The following IGSF5 variants were observed in gnomAD, a reference collection of about 807,000 sequenced individuals.
IGSF5 encodes immunoglobulin superfamily member 5.
In IGSF5, 41 loss-of-function variants were observed where a neutral mutation model predicts 39.4. That is an observed-to-expected ratio of 1.04 (90% confidence interval 0.81 to 1.35). IGSF5 has a LOEUF of 1.35. IGSF5 is among the 40% of genes most tolerant of loss of function. IGSF5 has a pLI of 0.00. For missense variants in IGSF5, 487 were observed against 494.6 expected, an observed-to-expected ratio of 0.98 and a Z score of 0.15; for synonymous variants, 183 against 175.3, an observed-to-expected ratio of 1.04 and a Z score of -0.34.
At chr21:39,728,813 C>T in the IGSF5 span, among the ~76,000 whole-genome samples, 7 of 151,754 alleles carry the variant, frequency 4.6e-5, no homozygotes, top group Admixed American at 6.6e-5. Flanking sequence ...ATTTTCTGAC[C>T]GCCTATTATG....
At chr21:39,782,885 C>A (rs2080178765) in intron 5 of IGSF5, among the ~76,000 whole-genome samples, 1 of 152,120 alleles carries the variant, frequency 6.6e-6, no homozygotes, top group Non-Finnish European at 1.5e-5. Context: ...CCCCCGACTA[C>A]CTCCCCTTCC....
At chr21:39,773,452 A>G (rs1293252715) in intron 4 of IGSF5, among the ~76,000 whole-genome samples, 4 of 151,356 alleles carry the variant, frequency 2.6e-5, no homozygotes, top group Non-Finnish European at 5.9e-5. Context: ...GTTAAACAAA[A>G]GACTTCCCTC....
At chr21:39,794,012 G>A (rs1420852754) in intron 8 of IGSF5, among the ~76,000 whole-genome samples, 1 of 152,188 alleles carries the variant, frequency 6.6e-6, no homozygotes, top group Non-Finnish European at 1.5e-5. Context: ...GTGCTCATCT[G>A]TACTTGGACC....
chr21:39,751,874 C>A (rs1394383831), intron 2 of IGSF5, among the ~76,000 whole-genome samples: 1 of 152,044 alleles, frequency 6.6e-6, no homozygotes, highest in Non-Finnish European at 1.5e-5. Context: ...GAAGGCCGAC[C>A]CTGAATGCAA....
At chr21:39,726,967 A>G in the IGSF5 span, among the ~76,000 whole-genome samples, 1 of 152,190 alleles carries the variant, frequency 6.6e-6, no homozygotes, top group African/African-American at 2.4e-5. Flanking sequence ...TGGCTCAGCA[A>G]AGTTGCCAGC....
intron 2 of IGSF5, among the ~76,000 whole-genome samples, chr21:39,749,953 A>C (rs751944315): frequency 4.6e-5 from 7 of 152,214 alleles, no homozygotes; most frequent in Non-Finnish European, 1.0e-4. Flanking sequence ...GATCAGCTAC[A>C]ATTTACATTG....
At chr21:39,724,116 A>T in the IGSF5 span, among the ~76,000 whole-genome samples, 1 of 135,930 alleles carries the variant, frequency 7.4e-6, no homozygotes, top group Non-Finnish European at 1.6e-5. Flanking sequence ...ATAAAATAAA[A>T]TAAAATAAAA....
upstream of IGSF5, among the ~76,000 whole-genome samples, chr21:39,740,245 T>A (rs2079942661): frequency 1.3e-5 from 2 of 152,204 alleles, no homozygotes; most frequent in Non-Finnish European, 2.9e-5. Context: ...GCCTTGCAGC[T>A]CTTTTGGCTT....
At chr21:39,790,854 G>A (rs2086959941) in intron 6 of IGSF5, among the ~76,000 whole-genome samples, 1 of 152,128 alleles carries the variant, frequency 6.6e-6, no homozygotes, top group Non-Finnish European at 1.5e-5. Context: ...ACAGTAAAAA[G>A]TAATACAAAA....
At chr21:39,740,744 T>G (rs2079944965), upstream of IGSF5, among the ~76,000 whole-genome samples, 1 of 152,226 alleles carries the variant, frequency 6.6e-6, no homozygotes, top group African/African-American at 2.4e-5. Flanking sequence ...TTCTATCTTT[T>G]CTTCATTGTG....
At chr21:39,717,251 C>T in the IGSF5 span, among the ~76,000 whole-genome samples, 1 of 152,166 alleles carries the variant, frequency 6.6e-6, no homozygotes, top group Non-Finnish European at 1.5e-5. Flanking sequence ...AGACCTTTGT[C>T]AGATGCATAG....
chr21:39,734,590 C>T, the IGSF5 span, among the ~76,000 whole-genome samples: 1 of 152,026 alleles, frequency 6.6e-6, no homozygotes, highest in Non-Finnish European at 1.5e-5. Flanking sequence ...TTTTTTTAAA[C>T]TGACTCCATG....
intron 2 of IGSF5, among the ~76,000 whole-genome samples, chr21:39,753,282 G>A (rs192453704): frequency 5.3e-5 from 8 of 152,030 alleles, no homozygotes; most frequent in Non-Finnish European, 1.0e-4. Context: ...TTGTATGCTC[G>A]GTTGAAGATC....
intron 5 of IGSF5, among the ~76,000 whole-genome samples, chr21:39,781,849 T>A (rs563546297): frequency 6.6e-6 from 1 of 152,332 alleles, no homozygotes; most frequent in East Asian, 1.9e-4. Context: ...GGCTTTTTAC[T>A]CCTTCTAATT....
chr21:39,795,956 G>T (rs1409785069), intron 8 of IGSF5, among the ~76,000 whole-genome samples: 1 of 152,112 alleles, frequency 6.6e-6, no homozygotes, highest in African/African-American at 2.4e-5. Context: ...TACTCATCAT[G>T]GGGGGACTTT....
chr21:39,746,576 A>G (rs1449790241), intron 2 of IGSF5, among the ~76,000 whole-genome samples: 1 of 152,202 alleles, frequency 6.6e-6, no homozygotes, highest in Non-Finnish European at 1.5e-5. Flanking sequence ...AGGAATAATT[A>G]TTCTTACTAA....
chr21:39,737,137 C>T, the IGSF5 span, among the ~76,000 whole-genome samples: 150 of 151,928 alleles, frequency 9.9e-4, no homozygotes, highest in African/African-American at 3.5e-3. Context: ...ATTTTTCTTA[C>T]CAGCTCCTAG....
At chr21:39,734,559 C>G in the IGSF5 span, among the ~76,000 whole-genome samples, 4 of 151,962 alleles carry the variant, frequency 2.6e-5, no homozygotes, top group Non-Finnish European at 5.9e-5. Flanking sequence ...TCTCTCTCCT[C>G]TAGCTCCTGA....
intron 6 of IGSF5, among the ~76,000 whole-genome samples, chr21:39,789,564 G>A (rs2086948486): frequency 6.6e-6 from 1 of 151,998 alleles, no homozygotes; most frequent in Admixed American, 6.5e-5. Flanking sequence ...GCTCACTCCA[G>A]CTGCTTGAGG....
Sources: allele counts gnomAD v4.1 joint callset (sites outside exome capture counted in the v4.1 genomes callset), GRCh38; gene constraint gnomAD v4.1.1; transcripts MANE v1.5; gene names NCBI Gene and HGNC (gene_info 2026-07-23, HGNC 2026-07-21).